The following IFITM10 variants were observed in gnomAD, a reference collection of about 807,000 sequenced individuals.
IFITM10 encodes interferon-induced transmembrane protein 10.
A neutral mutation model predicts 19.0 loss-of-function variants in IFITM10; 17 were observed. That is an observed-to-expected ratio of 0.90 (90% CI 0.61 to 1.34). The LOEUF (loss-of-function observed/expected upper bound fraction) is 1.34. IFITM10 is among the 40% of genes most tolerant of loss of function. The pLI, the probability that IFITM10 is intolerant of heterozygous loss-of-function variation, is 0.00. For synonymous variants in IFITM10, 148 were observed against 147.2 expected, an observed-to-expected ratio of 1.01 and a Z score of -0.04; for missense variants, 306 against 319.8, an observed-to-expected ratio of 0.96 and a Z score of 0.33.
intron 2 of IFITM10, chr11:1,746,293 C>T: frequency 2.9e-6 from 1 of 341,228 alleles, no homozygotes; most frequent in Non-Finnish European, 5.3e-6. Flanking sequence ...CATATGCATT[C>T]ACATGTACAC....
rs772195605 is a variant in IFITM10, at chr11:1,735,368, C to T, written c.599G>A (p.Arg200Gln). ...NGAVEDAKTARLFNITSSALA... is the reference protein window; with the variant it reads ...NGAVEDAKTAQLFNITSSALA... ...GGCAGAACTGGTGATGTTGAACAGC[C>T]GGGCCGTCTTTGCATCCTCCACGGC... The change falls in exon 3 of 3, where the codon CGG becomes CAG. Residue 200 changes from arginine (R) to glutamine (Q), a missense_variant. Transcript: ENST00000340134. The T allele has an allele frequency of 9.8e-5, 152 of 1,551,538 alleles. No homozygotes were observed. The highest frequency in any genetic ancestry group is 1.3e-4 in the Non-Finnish European group (147 of 1,146,974).
At chr11:1,741,143 G>A (rs1351736539) in intron 2 of IFITM10, among the ~76,000 whole-genome samples, 1 of 151,984 alleles carries the variant, frequency 6.6e-6, no homozygotes, top group Non-Finnish European at 1.5e-5. Context: ...CTTTACAGCT[G>A]TGCAAGAACG....
intron 1 of IFITM10, 51 bp from the exon 2 acceptor site, chr11:1,748,170 C>G (rs1845672917): frequency 8.1e-7 from 1 of 1,238,232 alleles, no homozygotes; most frequent in South Asian, 2.6e-5. Flanking sequence ...CGGCCAGCAC[C>G]CACCCTCACG....
Position 1,750,269 on chromosome 11 carries a change from C to A in IFITM10, c.84+90G>T, listed in dbSNP as rs532479792. ...CCCATAACAGTCCCCATGAGTTCCT[C>A]CCCATGGAGAAAACTCCAGCCTTCC... On this transcript the variant is annotated intron_variant, in intron 1 of 2. Transcript: ENST00000340134. The A allele has an allele frequency of 1.7e-5, 27 of 1,543,678 alleles. No individual in the cohort carries two copies. In the South Asian group the frequency reaches 2.6e-4, roughly 15 times the overall value.
chr11:1,735,162 G>T lies in IFITM10; in HGVS notation c.*118C>A. On this transcript the variant is annotated 3_prime_UTR_variant, in exon 3 of 3. Transcript: ENST00000340134. ...TTGCTGCCCAGTTCACAGCTCAAGG[G>T]GGCCCCAGGACAAGAAGCCCTGCCC... 1 of 1,155,304 alleles carries T rather than the reference G, an allele frequency of 8.7e-7. No individual in the cohort carries two copies. Among genetic ancestry groups the T allele is most frequent in the Non-Finnish European group, 1.2e-6 (1 of 826,116 alleles). The allele number at this position is 1,155,304 out of a possible 1,614,324, so 71.6% of individuals were successfully genotyped here.
In IFITM10 at chr11:1,735,343, G is replaced by A. The variant is rs1329191034; in HGVS notation, c.624C>T (p.Ala208=). The part of the protein sequence containing the change: ...TARLFNITSS[A]LAASCIILVF... The stretch of plus-strand genomic sequence containing the variant: ...CGAGGATGATGCAGGAGGCTGCCAG[G>A]GCAGAACTGGTGATGTTGAACAGCC... The change falls in exon 3 of 3, where the codon GCC becomes GCT. Residue 208 remains alanine (A), a synonymous_variant. Coordinates refer to ENST00000340134, the MANE Select transcript of IFITM10 (RefSeq NM_001170820.4). The A allele has an allele frequency of 1.9e-6, 3 of 1,551,722 alleles. No homozygotes were observed. Among genetic ancestry groups the A allele is most frequent in the Admixed American group, 3.9e-5 (2 of 51,014 alleles).
chr11:1,743,023 TTG>T (rs1845588159), intron 2 of IFITM10, among the ~76,000 whole-genome samples: 1 of 124,060 alleles, frequency 8.1e-6, no homozygotes, highest in African/African-American at 3.2e-5. Flanking sequence ...GATGGATGGA[TTG>T]AGGGTGGATG....
intron 2 of IFITM10, chr11:1,745,813 T>A (rs1015321594): frequency 6.9e-6 from 1 of 144,782 alleles, no homozygotes; most frequent in East Asian, 2.1e-4. Context: ...ACAGCACACA[T>A]GCACACACCC....
At chr11:1,740,130 T>A (rs1267863969) in intron 2 of IFITM10, among the ~76,000 whole-genome samples, 6 of 151,588 alleles carry the variant, frequency 4.0e-5, no homozygotes, top group Non-Finnish European at 1.5e-5. Context: ...TGAAACCCTG[T>A]CTCTACTAAA....
rs1044073426 is a variant in IFITM10 at position 1,734,742 on chromosome 11, T to C, written c.*538A>G. Reference sequence around the variant, plus strand: ...CCGCCAGGCAGTTCCTGAGGGAGGATTGCAAAGCCTCCAGACTTCTCCAGG... The same window carrying C: ...CCGCCAGGCAGTTCCTGAGGGAGGACTGCAAAGCCTCCAGACTTCTCCAGG... On this transcript the variant is annotated 3_prime_UTR_variant, in exon 3 of 3. Transcript: ENST00000340134. 6.5e-6 allele frequency: 1 copy of C among 152,980 alleles called. No homozygotes were observed. The highest frequency in any genetic ancestry group is 1.5e-5 in the Non-Finnish European group (1 of 68,648). 9.5% of individuals were successfully genotyped at this position (152,980 alleles called of 1,614,324 possible).
chr11:1,739,053 CAAAAAAAAAAAA>C (rs71025777), intron 2 of IFITM10, among the ~76,000 whole-genome samples: 4 of 42,106 alleles, frequency 9.5e-5, no homozygotes, highest in African/African-American at 3.7e-4. Flanking sequence ...GACTCCGTCT[CAAAAAAAAAAAA>C]AAAAAAAAAA....
At position 1,747,769 on chromosome 11, in the gene IFITM10, C is replaced by T. The variant is rs554067806; in HGVS notation, c.435G>A (p.Pro145=). 1,153 of 1,551,758 alleles carry T rather than the reference C, an allele frequency of 7.4e-4. 18 individuals carry two copies. In the South Asian group the frequency reaches 0.013, roughly 17 times the overall value. ...AATAGTCGTTCACCTCGGTGGTGTC[C>T]GGGTAGACCTCGATGACGGTCGTGG... The part of the protein sequence containing the change: ...TNPTTVIEVY[P]DTTEVNDYYL... Residue 145 remains proline (P), a synonymous_variant, in exon 2 of 3, where the codon CCG becomes CCA. Coordinates refer to ENST00000340134, the MANE Select transcript of IFITM10 (RefSeq NM_001170820.4).
rs58480346 is a variant in IFITM10 at position 1,740,299 on chromosome 11, C to CAAAAAAAAAAA, written c.538-4881_538-4871dup. On this transcript the variant is annotated intron_variant, in intron 2 of 2. Coordinates refer to ENST00000340134, the MANE Select transcript of IFITM10 (RefSeq NM_001170820.4). ...TGGGCAACAGAGCAAGACTCCATCT[C>CAAAAAAAAAAA]AAAAAAAAAAAAAAAAAAAAAAAAA... 1.7e-4 allele frequency among the ~76,000 whole-genome samples: 7 copies of CAAAAAAAAAAA among 41,010 alleles called. 1 individual carries two copies. The highest frequency in any genetic ancestry group is 9.0e-4 in the East Asian group (1 of 1,114). 26.9% of individuals were successfully genotyped at this position (41,010 alleles called of 152,430 possible).
At chr11:1,747,322 A>C (rs977555741) in intron 2 of IFITM10, among the ~76,000 whole-genome samples, 8 of 152,014 alleles carry the variant, frequency 5.3e-5, no homozygotes, top group Non-Finnish European at 7.4e-5. Context: ...GCCCAGGTCT[A>C]CGTCCCATGT....
chr11:1,743,306 C>T (rs12787808), intron 2 of IFITM10, among the ~76,000 whole-genome samples: 2 of 129,008 alleles, frequency 1.6e-5, no homozygotes, highest in Admixed American at 7.8e-5. Flanking sequence ...GATGGATGGA[C>T]AGATGAAGAA....
At chr11:1,745,377 C>T (rs185376173) in intron 2 of IFITM10, 16 of 152,390 alleles carry the variant, frequency 1.0e-4, no homozygotes, top group East Asian at 3.9e-4. Flanking sequence ...TTCAGCCCCC[C>T]AACACTGGAG....
chr11:1,746,584 G>A lies in IFITM10; in HGVS notation c.537+1083C>T, dbSNP rs1845652940. ...ACGCCGGGGTTGGCAATCATGATGA[G>A]TCAGGAGCAGGAGGGGAACGCCGAC... On this transcript the variant is annotated intron_variant, in intron 2 of 2. Transcript: ENST00000340134. The A allele has an allele frequency of 1.3e-5, 5 of 398,656 alleles. No individual in the cohort carries two copies. The South Asian group carries it at 3.8e-4, about 30-fold the overall frequency. The allele number at this position is 398,656 out of a possible 1,614,324, so 24.7% of individuals were successfully genotyped here.
intron 2 of IFITM10, among the ~76,000 whole-genome samples, chr11:1,739,281 C>A (rs189186583): frequency 1.3e-5 from 2 of 152,052 alleles, no homozygotes; most frequent in East Asian, 1.9e-4. Context: ...ACAGGTAGAT[C>A]AATGAATTTA....
At position 1,733,066 on chromosome 11, in the gene IFITM10, C is replaced by G. The variant is rs1851044788; in HGVS notation, c.*2214G>C. 1 of 152,638 alleles carries G rather than the reference C, an allele frequency of 6.6e-6. No homozygotes were observed. The highest frequency in any genetic ancestry group is 2.4e-5 in the African/African-American group (1 of 41,430). 9.5% of individuals were successfully genotyped at this position (152,638 alleles called of 1,614,324 possible). A position where few individuals can be genotyped will look rare whatever the true frequency, so the allele number is the denominator to read the frequency against. ...CCAGGACCCTCTCTCTTCCAAGGCC[C>G]AGCAGCCTCTGCCATCCTCTTCCAG... is the stretch of plus-strand genomic sequence containing the variant. On this transcript the variant is annotated 3_prime_UTR_variant, in exon 3 of 3. Coordinates refer to ENST00000340134, the MANE Select transcript of IFITM10 (RefSeq NM_001170820.4). The surrounding 1 kb of genome is among the most constrained non-coding windows in gnomAD (Gnocchi z 6.3).
Sources: gnomAD v4.1 joint callset for allele counts (sites outside exome capture counted in the v4.1 genomes callset) on GRCh38, gnomAD v4.1.1 for gene constraint, Gnocchi (gnomAD v3.1) non-coding constraint, MANE v1.5 for transcripts, NCBI Gene and HGNC (gene_info 2026-07-23, HGNC 2026-07-21) for gene names.